Variants in MCFD2 observed in about 807,000 individuals in gnomAD.
The protein encoded by MCFD2 is multiple coagulation factor deficiency 2, ER cargo receptor complex subunit.
A neutral mutation model predicts 12.8 loss-of-function variants in MCFD2; 11 were observed. The ratio of observed to expected loss-of-function variants is 0.86; its 90% CI spans 0.54 to 1.42. The LOEUF is 1.42. Ranked by LOEUF, MCFD2 falls within the 40% of genes most tolerant of loss-of-function variation. MCFD2 has a pLI of 0.00. For synonymous variants in MCFD2, 70 were observed against 68.1 expected (o/e 1.03, Z -0.14); for missense variants, 191 against 178.6 (o/e 1.07, Z -0.40).
At position 46,941,814 on chromosome 2, in the gene MCFD2, G is replaced by T. The variant is rs915789169; in HGVS notation, c.-250C>A. On this transcript the variant is annotated 5_prime_UTR_variant, in exon 1 of 3. Transcript: ENST00000409147. This position sits in a 1 kb window ranked among gnomAD's most constrained non-coding sequence, Gnocchi z 4.2. ...AAGCGCGCCCAGACAGTCCTCGGCCGACAGCGGGCGCCTGCCAGCCCACCG... is the reference window on the plus strand; with the variant it reads ...AAGCGCGCCCAGACAGTCCTCGGCCTACAGCGGGCGCCTGCCAGCCCACCG... The T allele has an allele frequency of 4.7e-6, 7 of 1,495,072 alleles. No homozygotes were observed. Among genetic ancestry groups the T allele is most frequent in the Admixed American group, 2.1e-5 (1 of 48,288 alleles). The allele number at this position is 1,495,072 out of a possible 1,614,324, so 92.6% of individuals were successfully genotyped here.
rs897760791 is a variant in MCFD2, at chr2:46,908,265, T to C, written c.150-296A>G. The C allele has an allele frequency of 1.2e-4, 14 of 118,872 alleles. No homozygotes were observed. The highest frequency in any genetic ancestry group is 2.0e-4 in the Non-Finnish European group (12 of 61,092). 7.4% of individuals were successfully genotyped at this position (118,872 alleles called of 1,614,324 possible). A position where few individuals can be genotyped will look rare whatever the true frequency, so the allele number is the denominator to read the frequency against. Reference sequence around the variant, plus strand: ...AATTTAAAAATATGTCCTTTAAAACTTTTTTTTTTTTTTGAGACAGGGTCT... The same window carrying C: ...AATTTAAAAATATGTCCTTTAAAACCTTTTTTTTTTTTTGAGACAGGGTCT... On this transcript the variant is annotated intron_variant, in intron 2 of 3. Coordinates refer to ENST00000319466, the MANE Select transcript of MCFD2 (RefSeq NM_139279.6). The surrounding 1 kb of genome is among the most constrained non-coding windows in gnomAD (Gnocchi z 4.5).
In MCFD2 at chr2:46,934,787, C is replaced by CTTTTTTTT. The variant is rs1161003607; in HGVS notation, c.-8+6777_-8+6784dup. Among the ~76,000 whole-genome samples, 19 of 66,916 alleles carry CTTTTTTTT rather than the reference C, an allele frequency of 2.8e-4. 2 individuals are homozygous for CTTTTTTTT. The highest frequency in any genetic ancestry group is 3.8e-4 in the Non-Finnish European group (14 of 37,308). 43.9% of individuals were successfully genotyped at this position (66,916 alleles called of 152,430 possible). A position where few individuals can be genotyped will look rare whatever the true frequency, so the allele number is the denominator to read the frequency against. Reference sequence around the variant, plus strand: ...GGAATAAGGTATGAAGACTACTGCTCTTTTTTTTTTTTTTTTTTTTTTTTT... The same window carrying CTTTTTTTT: ...GGAATAAGGTATGAAGACTACTGCTCTTTTTTTTTTTTTTTTTTTTTTTTTTTTTTTTT... On this transcript the variant is annotated intron_variant, in intron 1 of 2. Coordinates refer to the MCFD2 transcript ENST00000409147.
chr2:46,920,904 T>C (rs1669070252), intron 1 of MCFD2, among the ~76,000 whole-genome samples: 1 of 151,682 alleles, frequency 6.6e-6, no homozygotes, highest in African/African-American at 2.4e-5. Context: ...GAAATAAATA[T>C]ATGATCATAA....
intron 1 of MCFD2, among the ~76,000 whole-genome samples, chr2:46,928,470 A>C (rs1320569128): frequency 1.3e-5 from 2 of 151,070 alleles, no homozygotes; most frequent in South Asian, 2.1e-4. Context: ...AAAAAAAAAA[A>C]AAAAAAAAAA....
chr2:46,918,194 C>G (rs992704488), upstream of MCFD2, among the ~76,000 whole-genome samples: 13 of 152,232 alleles, frequency 8.5e-5, no homozygotes, highest in African/African-American at 2.9e-4. Context: ...CTGCACCTCT[C>G]TCAGTCTTGT....
chr2:46,907,540 A>G lies in MCFD2; in HGVS notation c.309+270T>C. The G allele has an allele frequency of 2.3e-6, 1 of 438,732 alleles. No homozygotes were observed. Among genetic ancestry groups the G allele is most frequent in the Non-Finnish European group, 4.3e-6 (1 of 235,040 alleles). 27.2% of individuals were successfully genotyped at this position (438,732 alleles called of 1,614,324 possible). ...CGTAGAACTACGGGCATGCACTACC[A>G]GGCCTGGCTAATTTTTTAATTTTTG... is the stretch of plus-strand genomic sequence containing the variant. On this transcript the variant is annotated intron_variant, in intron 3 of 3. Coordinates refer to ENST00000319466, the MANE Select transcript of MCFD2 (RefSeq NM_139279.6). This position sits in a 1 kb window ranked among gnomAD's most constrained non-coding sequence, Gnocchi z 4.1.
rs1668281715 is a variant in MCFD2, at chr2:46,907,254, T to C, written c.309+556A>G. On this transcript the variant is annotated intron_variant, in intron 3 of 3. Transcript: ENST00000319466. The surrounding 1 kb of genome is among the most constrained non-coding windows in gnomAD (Gnocchi z 4.1). ...CTCTGGTGTGTAACAGAAATGCCTGTAGCACTTAAAGATACAAATGCCCAG... is the reference window on the plus strand; with the variant it reads ...CTCTGGTGTGTAACAGAAATGCCTGCAGCACTTAAAGATACAAATGCCCAG... The C allele has an allele frequency of 5.8e-6, 1 of 171,228 alleles. No individual in the cohort carries two copies. The highest frequency in any genetic ancestry group is 1.3e-5 in the Non-Finnish European group (1 of 79,266). The allele number at this position is 171,228 out of a possible 1,614,324, so 10.6% of individuals were successfully genotyped here.
chr2:46,914,425 T>C (rs1668613936), intron 1 of MCFD2, among the ~76,000 whole-genome samples: 1 of 152,232 alleles, frequency 6.6e-6, no homozygotes, highest in Non-Finnish European at 1.5e-5. Flanking sequence ...ACCCCTGTCA[T>C]GGTCCTGGAA....
In MCFD2 at chr2:46,941,593, G is replaced by C. The variant is rs1177931649; in HGVS notation, c.-29C>G. On this transcript the variant is annotated 5_prime_UTR_variant, in exon 1 of 3. Coordinates refer to the MCFD2 transcript ENST00000409147. This position sits in a 1 kb window ranked among gnomAD's most constrained non-coding sequence, Gnocchi z 4.2. ...CTACCTGAAGGTGGAGAGCGAGCTG[G>C]AGCGCTGCCGCGCCGAGGGCCACTG... is the stretch of plus-strand genomic sequence containing the variant. 3.2e-6 allele frequency: 5 copies of C among 1,557,176 alleles called. No individual in the cohort carries two copies. The highest frequency in any genetic ancestry group is 4.3e-6 in the Non-Finnish European group (5 of 1,151,136).
chr2:46,909,739 G>A (rs930199465), intron 1 of MCFD2, among the ~76,000 whole-genome samples: 1 of 152,162 alleles, frequency 6.6e-6, no homozygotes, highest in African/African-American at 2.4e-5. Flanking sequence ...AGTTCAGCTG[G>A]GCTGCAGCCT....
At chr2:46,917,867 T>C (rs749166715), upstream of MCFD2, among the ~76,000 whole-genome samples, 4 of 152,254 alleles carry the variant, frequency 2.6e-5, no homozygotes, top group Non-Finnish European at 5.9e-5. Flanking sequence ...CCACACACTC[T>C]GGGTCCTTCT....
In MCFD2 at chr2:46,908,499, A is replaced by G. The variant is rs187839654; in HGVS notation, c.149+524T>C. ...GGCTGGTCTCGAATTCCTGGGCTCA[A>G]GTAATCCACCTGCCTCAGCCTCCCA... On this transcript the variant is annotated intron_variant, in intron 2 of 3. Coordinates refer to ENST00000319466, the MANE Select transcript of MCFD2 (RefSeq NM_139279.6). The surrounding 1 kb of genome is among the most constrained non-coding windows in gnomAD (Gnocchi z 4.5). 1.2e-3 allele frequency: 315 copies of G among 258,146 alleles called. No homozygotes were observed. Among genetic ancestry groups the G allele is most frequent in the African/African-American group, 6.7e-3 (292 of 43,732 alleles). 16.0% of individuals were successfully genotyped at this position (258,146 alleles called of 1,614,324 possible).
In MCFD2 at chr2:46,931,698, A is replaced by G. The variant is rs553514342; in HGVS notation, c.-8+9874T>C. 1.8e-3 allele frequency among the ~76,000 whole-genome samples: 265 copies of G among 149,976 alleles called. 1 individual carries two copies. The highest frequency in any genetic ancestry group is 0.01 in the Middle Eastern group (3 of 292). ...AAAAAACAAAAACAGACAATAATAA[A>G]TAAATAAATAAATAAATAAATAAAT... On this transcript the variant is annotated intron_variant, in intron 1 of 2. Transcript: ENST00000409147.
At chr2:46,911,408 A>G (rs963038349) in intron 1 of MCFD2, among the ~76,000 whole-genome samples, 6 of 151,226 alleles carry the variant, frequency 4.0e-5, no homozygotes, top group African/African-American at 1.5e-4. Flanking sequence ...GGTTACAGGC[A>G]TGAGCCACCG....
intron 3 of MCFD2, chr2:46,906,757 G>T (rs1668257474): frequency 6.6e-6 from 1 of 152,512 alleles, no homozygotes; most frequent in African/African-American, 2.4e-5. Flanking sequence ...CAAAGTGCTG[G>T]GATAATAGGC....
At chr2:46,930,708 C>T (rs560689112) in intron 1 of MCFD2, among the ~76,000 whole-genome samples, 1 of 152,158 alleles carries the variant, frequency 6.6e-6, no homozygotes, top group East Asian at 1.9e-4. Flanking sequence ...GCCTGTTGGC[C>T]AAGCTGGTCT....
chr2:46,908,840 T>TA lies in MCFD2; in HGVS notation c.149+182dup. On this transcript the variant is annotated intron_variant, in intron 2 of 3. Coordinates refer to ENST00000319466, the MANE Select transcript of MCFD2 (RefSeq NM_139279.6). The surrounding 1 kb of genome is among the most constrained non-coding windows in gnomAD (Gnocchi z 4.5). ...GGGCCTAAAGATCTTCCACCTGTGA[T>TA]ACAATGATGAAAAAAGAATACCTGA... is the stretch of plus-strand genomic sequence containing the variant. The TA allele has an allele frequency of 1.3e-6, 1 of 774,380 alleles. No homozygotes were observed. 48.0% of individuals were successfully genotyped at this position (774,380 alleles called of 1,614,324 possible).
At chr2:46,934,714 C>G (rs978985257) in intron 1 of MCFD2, among the ~76,000 whole-genome samples, 13 of 150,380 alleles carry the variant, frequency 8.6e-5, no homozygotes, top group African/African-American at 3.2e-4. Flanking sequence ...CAAAAAAACC[C>G]GCACTTCAAA....
At position 46,937,177 on chromosome 2, in the gene MCFD2, GA is replaced by G; in HGVS notation, c.-8+4394del. Among the ~76,000 whole-genome samples the G allele has an allele frequency of 6.6e-6, 1 of 152,120 alleles. No individual in the cohort carries two copies. Among genetic ancestry groups the G allele is most frequent in the South Asian group, 2.1e-4 (1 of 4,808 alleles). ...AACCCCAAAAATTACTTCCTTAACA[GA>G]TTTCTTGGCCAAAGCAAAATAAAAA... On this transcript the variant is annotated intron_variant, in intron 1 of 2. Transcript: ENST00000409147. This position sits in a 1 kb window ranked among gnomAD's most constrained non-coding sequence, Gnocchi z 4.0.
Sources: allele counts gnomAD v4.1 joint callset (sites outside exome capture counted in the v4.1 genomes callset), GRCh38; gene constraint gnomAD v4.1.1; non-coding constraint Gnocchi (gnomAD v3.1); transcripts MANE v1.5; gene names NCBI Gene and HGNC (gene_info 2026-07-23, HGNC 2026-07-21).